The following RAD51C variants were observed in gnomAD, a reference collection of about 807,000 sequenced individuals.
The protein encoded by RAD51C is DNA repair protein RAD51 homolog 3.
In RAD51C, 42 loss-of-function variants were observed where a neutral mutation model predicts 45.0. The ratio of observed to expected loss-of-function variants is 0.93; its 90% CI spans 0.73 to 1.21. RAD51C has a LOEUF of 1.21. Ranked by LOEUF, RAD51C falls within the 50% of genes most tolerant of loss-of-function variation. RAD51C has a pLI of 0.00. For synonymous variants in RAD51C, 172 were observed against 159.8 expected, an observed-to-expected ratio of 1.08 and a Z score of -0.58; for missense variants, 474 against 452.2, an observed-to-expected ratio of 1.05 and a Z score of -0.44.
At position 58,734,446 on chromosome 17, in the gene RAD51C, G is replaced by A. The variant is rs2049574413; in HGVS notation, c.*224G>A. On this transcript the variant is annotated 3_prime_UTR_variant, in exon 9 of 9. Coordinates refer to ENST00000337432, the MANE Select transcript of RAD51C (RefSeq NM_058216.3). Reference sequence around the variant, plus strand: ...CTGTTTTCATTTTCAGTAACATTCAGTAGAGATGATTATTATATTTCACAA... The same window carrying A: ...CTGTTTTCATTTTCAGTAACATTCAATAGAGATGATTATTATATTTCACAA... 5 of 697,000 alleles carry A rather than the reference G, an allele frequency of 7.2e-6. No homozygotes were observed. The South Asian group carries it at 9.7e-5, about 14-fold the overall frequency. The allele number at this position is 697,000 out of a possible 1,614,324, so 43.2% of individuals were successfully genotyped here. A position where few individuals can be genotyped will look rare whatever the true frequency, so the allele number is the denominator to read the frequency against.
At chr17:58,705,683 C>A (rs538274042) in intron 4 of RAD51C, among the ~76,000 whole-genome samples, 247 of 152,266 alleles carry the variant, frequency 1.6e-3, no homozygotes, top group African/African-American at 5.7e-3. Flanking sequence ...AGGGTCCCAT[C>A]TTTATGAACT....
intron 4 of RAD51C, 79 bp from the exon 5 acceptor site, chr17:58,709,780 C>G (rs2143848272): frequency 7.2e-7 from 1 of 1,393,996 alleles, no homozygotes; most frequent in Non-Finnish European, 1.0e-6. Context: ...GGTCCCTGCT[C>G]TCTTGGAGAG....
rs35151472 is a variant in RAD51C, at chr17:58,696,773, G to A, written c.485G>A (p.Gly162Glu). The change falls in exon 3 of 9, where the codon GGA becomes GAA. Residue 162 changes from glycine (G) to glutamate (E), a missense_variant. By Grantham distance (98) the Gly-to-Glu change is moderately conservative. Coordinates refer to ENST00000337432, the MANE Select transcript of RAD51C (RefSeq NM_058216.3). Reference protein sequence around the residue: ...AGEAVFIDTEGSFMVDRVVDL... With the variant: ...AGEAVFIDTEESFMVDRVVDL... ...GAAGCAGTTTTTATTGATACAGAGGGAAGTTTTATGGTTGATAGAGTGGTA... is the reference window on the plus strand; with the variant it reads ...GAAGCAGTTTTTATTGATACAGAGGAAAGTTTTATGGTTGATAGAGTGGTA... 3.1e-6 allele frequency: 5 copies of A among 1,614,202 alleles called. No homozygotes were observed. Among genetic ancestry groups the A allele is most frequent in the Non-Finnish European group, 4.2e-6 (5 of 1,180,038 alleles).
rs2049031669 is a variant in RAD51C at position 58,724,231 on chromosome 17, T to C, written c.965+131T>C. 6 of 836,020 alleles carry C rather than the reference T, an allele frequency of 7.2e-6. No homozygotes were observed. The Admixed American group carries it at 1.2e-4, about 17-fold the overall frequency. The allele number at this position is 836,020 out of a possible 1,614,324, so 51.8% of individuals were successfully genotyped here. ...CCATGAAGTGACACTTTTGTTGCCT[T>C]GTCTGATATCACCTAGAGCAAACAT... On this transcript the variant is annotated intron_variant, in intron 7 of 8. Coordinates refer to ENST00000337432, the MANE Select transcript of RAD51C (RefSeq NM_058216.3).
At chr17:58,696,542 G>C in intron 2 of RAD51C, 151 bp from the exon 3 acceptor site, 1 of 874,490 alleles carries the variant, frequency 1.1e-6, no homozygotes, top group Non-Finnish European at 1.9e-6. Flanking sequence ...TATATCTGGA[G>C]TCATGAAGAG....
chr17:58,726,690 A>G (rs1174888587), intron 7 of RAD51C, among the ~76,000 whole-genome samples: 2 of 151,838 alleles, frequency 1.3e-5, no homozygotes, highest in Non-Finnish European at 2.9e-5. Context: ...ATGTGTGTGT[A>G]TATATATAAT....
chr17:58,733,312 G>A (rs1314391486), intron 8 of RAD51C, among the ~76,000 whole-genome samples: 4 of 151,980 alleles, frequency 2.6e-5, no homozygotes, highest in South Asian at 2.1e-4. Flanking sequence ...CACCGAGCCC[G>A]GCTTTATCTC....
intron 3 of RAD51C, among the ~76,000 whole-genome samples, chr17:58,702,303 T>C (rs771398111): frequency 9.2e-5 from 14 of 152,116 alleles, no homozygotes; most frequent in Non-Finnish European, 8.8e-5. Flanking sequence ...TGACTAGAAA[T>C]ATGAAAAGGC....
At chr17:58,727,241 C>T (rs776638956) in intron 7 of RAD51C, among the ~76,000 whole-genome samples, 1 of 151,760 alleles carries the variant, frequency 6.6e-6, no homozygotes, top group Non-Finnish European at 1.5e-5. Flanking sequence ...TCTCTTGTCT[C>T]AGCCTGCCGA....
intron 3 of RAD51C, among the ~76,000 whole-genome samples, chr17:58,697,559 C>A (rs376721316): frequency 5.1e-4 from 70 of 135,954 alleles, no homozygotes; most frequent in South Asian, 7.1e-4. Flanking sequence ...AAAAAAAAAC[C>A]AAAAAAAAAA....
rs117907939 is a variant in RAD51C, at chr17:58,713,927, A to T, written c.837+3937A>T. 9.8e-3 allele frequency among the ~76,000 whole-genome samples: 1,491 copies of T among 151,848 alleles called. 17 individuals are homozygous for T. Among genetic ancestry groups the T allele is most frequent in the Non-Finnish European group, 0.015 (1,023 of 67,954 alleles). ...CTTCAGCCTTCCATAGGCATGAGCC[A>T]CTGTGCCCACCCTGTAGCGTAGTTT... On this transcript the variant is annotated intron_variant, in intron 5 of 8. Coordinates refer to ENST00000337432, the MANE Select transcript of RAD51C (RefSeq NM_058216.3).
chr17:58,732,724 T>C, intron 8 of RAD51C, 180 bp downstream of exon 8: 1 of 617,866 alleles, frequency 1.6e-6, no homozygotes, highest in Non-Finnish European at 2.9e-6. Context: ...TAGTCACAAA[T>C]GGACTGAAAT....
intron 5 of RAD51C, among the ~76,000 whole-genome samples, chr17:58,710,909 G>A (rs1161129211): frequency 6.6e-6 from 1 of 152,130 alleles, no homozygotes; most frequent in Admixed American, 6.6e-5. Flanking sequence ...TAAGATGTAA[G>A]GTCAAACTGC....
At chr17:58,720,309 G>T (rs1306747586) in intron 5 of RAD51C, among the ~76,000 whole-genome samples, 1 of 150,774 alleles carries the variant, frequency 6.6e-6, no homozygotes, top group Non-Finnish European at 1.5e-5. Context: ...CCAGCTACTT[G>T]GGAGGCTGAG....
chr17:58,733,397 G>A (rs529070999), intron 8 of RAD51C, among the ~76,000 whole-genome samples: 1 of 152,182 alleles, frequency 6.6e-6, no homozygotes, highest in Non-Finnish European at 1.5e-5. Context: ...GTACCCAGGT[G>A]TACTTGAAAT....
chr17:58,701,343 C>G (rs1250637220), intron 3 of RAD51C, among the ~76,000 whole-genome samples: 1 of 151,566 alleles, frequency 6.6e-6, no homozygotes, highest in Non-Finnish European at 1.5e-5. Context: ...CCCGTCTCTA[C>G]TAAAAATACA....
rs973491352 is a variant in RAD51C, at chr17:58,721,531, G to C, written c.904+719G>C. ...TCTCAGCACTTTGGGAGGCTGAGGC[G>C]GGTGGATCACCTGAGGTCGGGAGTT... On this transcript the variant is annotated intron_variant, in intron 6 of 8. Transcript: ENST00000337432. Among the ~76,000 whole-genome samples, 3 of 151,924 alleles carry C rather than the reference G, an allele frequency of 2.0e-5. No homozygotes were observed. In the East Asian group the frequency reaches 5.8e-4, roughly 29 times the overall value.
intron 5 of RAD51C, among the ~76,000 whole-genome samples, chr17:58,717,683 C>A (rs183698995): frequency 1.3e-5 from 2 of 152,074 alleles, no homozygotes; most frequent in Non-Finnish European, 2.9e-5. Flanking sequence ...TTGCAGTGAG[C>A]CAAGATCATG....
chr17:58,706,469 T>C, intron 4 of RAD51C: 1 of 397,348 alleles, frequency 2.5e-6, no homozygotes, highest in Non-Finnish European at 5.2e-6. Context: ...GATCCTTTGC[T>C]TTGATGCTCT....
Sources: gnomAD v4.1 joint callset for allele counts (sites outside exome capture counted in the v4.1 genomes callset) on GRCh38, gnomAD v4.1.1 for gene constraint, MANE v1.5 for transcripts, NCBI Gene and HGNC (gene_info 2026-07-23, HGNC 2026-07-21) for gene names.